ANKFY1: variants seen among roughly 807,000 people sequenced by gnomAD.
ANKFY1 encodes ankyrin repeat and FYVE domain containing 1, also known as ankyrin repeat and FYVE domain-containing protein 1.
In ANKFY1, 47 loss-of-function variants were observed where a neutral mutation model predicts 128.3. The ratio of observed to expected loss-of-function variants is 0.37; its 90% CI spans 0.29 to 0.47. The LOEUF (loss-of-function observed/expected upper bound fraction) is 0.47, where lower values mean the gene tolerates loss of function less well. ANKFY1 is among the 20% of genes least tolerant of loss of function. ANKFY1 has a pLI of 1.00. For missense variants in ANKFY1, 1,222 were observed against 1,510.6 expected (o/e 0.81, Z 3.17); for synonymous variants, 553 against 601.6 (o/e 0.92, Z 1.18).
rs555369032 is a variant in ANKFY1 at position 4,263,047 on chromosome 17, G to T, written c.10+885C>A. 5.0e-4 allele frequency among the ~76,000 whole-genome samples: 76 copies of T among 150,556 alleles called. 1 individual carries two copies. The highest frequency in any genetic ancestry group is 1.7e-3 in the African/African-American group (68 of 39,912). On this transcript the variant is annotated intron_variant, in intron 1 of 24. Coordinates refer to ENST00000341657, the MANE Select transcript of ANKFY1 (RefSeq NM_001330063.2). ...AAGGAATACTGTTCTCCAATAATGG[G>T]GTGAAGAGGAGAACCAGGCTGCCCA...
chr17:4,188,817 G>C (rs1414733109), intron 11 of ANKFY1: 5 of 148,368 alleles, frequency 3.4e-5, no homozygotes, highest in African/African-American at 7.5e-5. Context: ...GGTGAGCCGA[G>C]ATTGCCCCAT....
intron 7 of ANKFY1, among the ~76,000 whole-genome samples, chr17:4,200,313 C>T (rs895549758): frequency 6.6e-6 from 1 of 152,192 alleles, no homozygotes; most frequent in Non-Finnish European, 1.5e-5. Context: ...ATCCGCCCAC[C>T]TCAGCCTCCC....
intron 21 of ANKFY1, 105 bp from the exon 22 acceptor site, chr17:4,172,785 C>G (rs2059344612): frequency 1.4e-6 from 2 of 1,437,654 alleles, no homozygotes; most frequent in Admixed American, 2.2e-5. Context: ...ATCTAAAAGA[C>G]ACAAAACAAG....
At chr17:4,187,384 G>A (rs113973430) in intron 11 of ANKFY1, 14 of 397,824 alleles carry the variant, frequency 3.5e-5, no homozygotes, top group East Asian at 7.1e-5. Flanking sequence ...TGGACTCCAC[G>A]GCACACCCAC....
At chr17:4,249,566 G>A (rs921208475) in intron 1 of ANKFY1, among the ~76,000 whole-genome samples, 11 of 152,160 alleles carry the variant, frequency 7.2e-5, no homozygotes, top group East Asian at 3.8e-4. Context: ...GAATTAGAAC[G>A]TTAAAATGAC....
intron 7 of ANKFY1, among the ~76,000 whole-genome samples, chr17:4,200,746 AG>A (rs1362429495): frequency 5.3e-5 from 8 of 152,234 alleles, no homozygotes; most frequent in African/African-American, 1.9e-4. Flanking sequence ...TCTTTGCATC[AG>A]GATGCTTCGG....
At chr17:4,200,776 GT>G (rs2059913958) in intron 7 of ANKFY1, among the ~76,000 whole-genome samples, 1 of 152,154 alleles carries the variant, frequency 6.6e-6, no homozygotes. Context: ...TGTTAGAATT[GT>G]GAGTGCAGAC....
chr17:4,204,271 G>C (rs1385952506), intron 7 of ANKFY1, among the ~76,000 whole-genome samples: 1 of 152,212 alleles, frequency 6.6e-6, no homozygotes, highest in East Asian at 1.9e-4. Flanking sequence ...GGTAATCACT[G>C]CTGGGTGTAC....
intron 3 of ANKFY1, among the ~76,000 whole-genome samples, chr17:4,230,005 A>G (rs1026549234): frequency 6.6e-6 from 1 of 152,212 alleles, no homozygotes; most frequent in African/African-American, 2.4e-5. Context: ...TTGTGAGCAT[A>G]TTCTAAACTT....
rs147028741 is a variant in ANKFY1, at chr17:4,257,050, G to A, written c.10+6882C>T. 2.7e-3 allele frequency among the ~76,000 whole-genome samples: 414 copies of A among 152,280 alleles called. 1 individual carries two copies. Among genetic ancestry groups the A allele is most frequent in the African/African-American group, 9.5e-3 (393 of 41,556 alleles). ...GGGCAAAGCAAATATGTCCAAAAGT[G>A]AGGTCAAAATACTTGTTCTCCAATC... On this transcript the variant is annotated intron_variant, in intron 1 of 24. Transcript: ENST00000341657.
chr17:4,218,816 G>A (rs2060262305), intron 3 of ANKFY1, among the ~76,000 whole-genome samples: 1 of 152,116 alleles, frequency 6.6e-6, no homozygotes, highest in Admixed American at 6.5e-5. Flanking sequence ...GGTTGAGGCA[G>A]TACTGAGCCG....
At chr17:4,192,289 C>T (rs373461463) in intron 10 of ANKFY1, among the ~76,000 whole-genome samples, 39 of 136,746 alleles carry the variant, frequency 2.9e-4, no homozygotes, top group Admixed American at 1.0e-3. Context: ...AATCTGGAGA[C>T]GCCTAGTTGA....
chr17:4,249,722 C>T (rs1967732730), intron 1 of ANKFY1, among the ~76,000 whole-genome samples: 1 of 152,244 alleles, frequency 6.6e-6, no homozygotes, highest in African/African-American at 2.4e-5. Flanking sequence ...CTTACCTCCT[C>T]ACCCTCAGAA....
chr17:4,179,663 G>C, intron 17 of ANKFY1, 58 bp downstream of exon 17: 1 of 1,591,528 alleles, frequency 6.3e-7, no homozygotes, highest in Non-Finnish European at 8.5e-7. Context: ...TGCCATAGGA[G>C]GAGGCTTCCC....
Position 4,182,267 on chromosome 17 carries a change from C to T in ANKFY1, c.2035G>A (p.Ala679Thr), listed in dbSNP as rs751446869. ...LVVDAICTRG[A>T]DMSVPDEKGN... Reference sequence around the variant, plus strand: ...TTCTCATCTGGCACAGACATGTCAGCTCCTCGGGTGCATATGGCATCAACT... The same window carrying T: ...TTCTCATCTGGCACAGACATGTCAGTTCCTCGGGTGCATATGGCATCAACT... The change falls in exon 15 of 25, where the codon GCT becomes ACT. Residue 679 changes from alanine to threonine, a missense_variant. Ala to Thr is a moderately conservative substitution (Grantham distance 58, BLOSUM62 0). Coordinates refer to ENST00000341657, the MANE Select transcript of ANKFY1 (RefSeq NM_001330063.2). 8 of 1,595,348 alleles carry T rather than the reference C, an allele frequency of 5.0e-6. No homozygotes were observed. In the East Asian group the frequency reaches 1.8e-4, roughly 36 times the overall value.
intron 3 of ANKFY1, among the ~76,000 whole-genome samples, chr17:4,232,817 A>C (rs978066345): frequency 2.0e-5 from 3 of 152,166 alleles, no homozygotes; most frequent in African/African-American, 7.2e-5. Flanking sequence ...CAATGTTAAA[A>C]TTGGCTTTTT....
chr17:4,223,051 C>A, intron 3 of ANKFY1: 1 of 741,252 alleles, frequency 1.3e-6, no homozygotes, highest in Non-Finnish European at 2.5e-6. Context: ...CAAGAAGGTA[C>A]TCTTGGGCAT....
chr17:4,256,804 C>T (rs1007622405), intron 1 of ANKFY1, among the ~76,000 whole-genome samples: 3 of 152,164 alleles, frequency 2.0e-5, no homozygotes, highest in African/African-American at 7.2e-5. Flanking sequence ...CCGTGAAATA[C>T]GTTTTTCCTG....
chr17:4,215,925 A>T (rs7213082), intron 4 of ANKFY1, among the ~76,000 whole-genome samples: 3 of 56,248 alleles, frequency 5.3e-5, no homozygotes, highest in African/African-American at 1.0e-4. Flanking sequence ...CAAAACAAAC[A>T]AACAAACAAA....
Sources: allele counts gnomAD v4.1 joint callset (sites outside exome capture counted in the v4.1 genomes callset), GRCh38; gene constraint gnomAD v4.1.1; transcripts MANE v1.5; gene names NCBI Gene and HGNC (gene_info 2026-07-23, HGNC 2026-07-21).